Variants in RPRD2 observed in about 807,000 individuals in gnomAD.
RPRD2 encodes the protein regulation of nuclear pre-mRNA domain-containing protein 2.
In RPRD2, 12 loss-of-function variants were observed where a neutral mutation model predicts 104.4. That is an observed-to-expected ratio of 0.11 (90% CI 0.07 to 0.19). The LOEUF is 0.19. RPRD2 is among the 10% of genes least tolerant of loss of function. The pLI, the probability that RPRD2 is intolerant of heterozygous loss-of-function variation, is 1.00. For missense variants in RPRD2, 1,543 were observed against 1,790.1 expected, an observed-to-expected ratio of 0.86 and a Z score of 2.49; for synonymous variants, 714 against 684.9, an observed-to-expected ratio of 1.04 and a Z score of -0.66.
chr1:150,413,703 A>G (rs1320491598), intron 1 of RPRD2, among the ~76,000 whole-genome samples: 2 of 152,144 alleles, frequency 1.3e-5, no homozygotes, highest in Non-Finnish European at 2.9e-5. Context: ...AGGCTGGTGG[A>G]TTCCTTGAGG....
At chr1:150,375,021 T>C (rs1180557782) in intron 1 of RPRD2, among the ~76,000 whole-genome samples, 2 of 152,178 alleles carry the variant, frequency 1.3e-5, no homozygotes, top group Admixed American at 6.6e-5. Context: ...TTTTTTTTTT[T>C]TCATTCCATT....
intron 1 of RPRD2, among the ~76,000 whole-genome samples, chr1:150,403,998 A>G (rs1553886009): frequency 6.6e-6 from 1 of 152,182 alleles, no homozygotes; most frequent in African/African-American, 2.4e-5. Context: ...AATTATAGAC[A>G]AATAAATGTT....
chr1:150,472,256 T>C lies in RPRD2; in HGVS notation c.3308T>C (p.Ile1103Thr). 1.9e-6 allele frequency: 3 copies of C among 1,613,896 alleles called. No individual in the cohort carries two copies. Among genetic ancestry groups the C allele is most frequent in the Non-Finnish European group, 2.5e-6 (3 of 1,179,868 alleles). ...ASNRRMSGEP[I>T]QTVESIRVPG... ...AATAGGAGGATGTCAGGGGAGCCGA[T>C]CCAGACCGTAGAGTCCATCCGAGTT... The change falls in exon 11 of 11, where the codon ATC becomes ACC. Residue 1103 changes from isoleucine (I) to threonine (T), a missense_variant. This residue lies in a region of RPRD2 where 880 missense variants were observed against 885.6 expected (regional missense o/e 0.99). Transcript: ENST00000369068.
intron 7 of RPRD2, among the ~76,000 whole-genome samples, chr1:150,448,631 A>G (rs1378234217): frequency 1.3e-5 from 2 of 152,224 alleles, no homozygotes; most frequent in Non-Finnish European, 2.9e-5. Context: ...TGTGGTAACT[A>G]TAGTTGTACT....
chr1:150,446,423 C>T (rs1287360077), intron 7 of RPRD2, 22 bp downstream of exon 7: 2 of 1,539,670 alleles, frequency 1.3e-6, no homozygotes, highest in Non-Finnish European at 1.8e-6. Flanking sequence ...TTAAAGCTGT[C>T]TTATACTGAA....
intron 7 of RPRD2, among the ~76,000 whole-genome samples, chr1:150,451,068 TG>T (rs1413608505): frequency 6.6e-6 from 1 of 152,350 alleles, no homozygotes; most frequent in East Asian, 1.9e-4. Flanking sequence ...TCCTTTGATC[TG>T]GAACAGTTTC....
At chr1:150,463,221 G>T (rs111848861) in intron 9 of RPRD2, among the ~76,000 whole-genome samples, 67 of 152,204 alleles carry the variant, frequency 4.4e-4, no homozygotes, top group Middle Eastern at 3.4e-3. Context: ...TACTCGGGAG[G>T]CAAATGCAGG....
Position 150,444,542 on chromosome 1 carries a change from A to G in RPRD2, c.694+165A>G, listed in dbSNP as rs186372018. On this transcript the variant is annotated intron_variant, in intron 6 of 10. Coordinates refer to ENST00000369068, the MANE Select transcript of RPRD2 (RefSeq NM_015203.5). ...TTCATGCATATAAATTTCATAAGTA[A>G]ATTCTGTTGTTCTCATTTCTAGTAC... 2.9e-3 allele frequency among the ~76,000 whole-genome samples: 439 copies of G among 152,200 alleles called. 2 individuals carry two copies. Among genetic ancestry groups the G allele is most frequent in the Non-Finnish European group, 4.7e-3 (320 of 67,994 alleles).
At chr1:150,432,497 G>A (rs71622698) in intron 2 of RPRD2, among the ~76,000 whole-genome samples, 13,060 of 151,974 alleles carry the variant, frequency 0.086, 684 homozygotes, top group African/African-American at 0.11. Context: ...AAGGGAGGTA[G>A]TGAAAAATTT....
In RPRD2 at chr1:150,472,229, C is replaced by T. The variant is rs1356965357; in HGVS notation, c.3281C>T (p.Ser1094Phe). ...PIETLGYHSA[S>F]NRRMSGEPIQ... ...GAAACCTTGGGTTATCACAGTGCAT[C>T]CAATAGGAGGATGTCAGGGGAGCCG... Residue 1094 changes from serine to phenylalanine, a missense_variant, in exon 11 of 11, where the codon TCC (serine) becomes TTC (phenylalanine). Coordinates refer to ENST00000369068, the MANE Select transcript of RPRD2 (RefSeq NM_015203.5). The T allele has an allele frequency of 6.2e-7, 1 of 1,613,810 alleles. No individual in the cohort carries two copies.
At chr1:150,402,674 A>T (rs1663134643) in intron 1 of RPRD2, among the ~76,000 whole-genome samples, 1 of 145,068 alleles carries the variant, frequency 6.9e-6, no homozygotes, top group Non-Finnish European at 1.5e-5. Context: ...GCAAATCAAG[A>T]TCCCCGTTTC....
intron 2 of RPRD2, among the ~76,000 whole-genome samples, chr1:150,431,942 T>A (rs993717120): frequency 1.1e-4 from 17 of 152,114 alleles, no homozygotes; most frequent in African/African-American, 3.9e-4. Flanking sequence ...GAATCATGGT[T>A]GCTGGAGAAA....
chr1:150,372,492 CACACACACACACAG>C lies in RPRD2; in HGVS notation c.205+7587_205+7600del, dbSNP rs1239678807. ...GAGACTCCGTCTGAAAAAAGAAACA[CACACACACACACAG>C]ACACACACACACACAAAGACAGCAT... On this transcript the variant is annotated intron_variant, in intron 1 of 10. Transcript: ENST00000369068. Among the ~76,000 whole-genome samples, 53 of 119,294 alleles carry C rather than the reference CACACACACACACAG, an allele frequency of 4.4e-4. No homozygotes were observed. In the East Asian group the frequency reaches 6.7e-3, roughly 15 times the overall value. The allele number at this position is 119,294 out of a possible 152,430, so 78.3% of individuals were successfully genotyped here.
In RPRD2 at chr1:150,444,500, G is replaced by A. The variant is rs587722121; in HGVS notation, c.694+123G>A. On this transcript the variant is annotated intron_variant, in intron 6 of 10. Coordinates refer to ENST00000369068, the MANE Select transcript of RPRD2 (RefSeq NM_015203.5). ...GTAGAAAGCAGTTGTGGCACCTCTG[G>A]TTTCCCAGGTAGTTATTTCATGCAT... 62 of 856,320 alleles carry A rather than the reference G, an allele frequency of 7.2e-5. No homozygotes were observed. In the East Asian group the frequency reaches 1.6e-3, roughly 22 times the overall value. The allele number at this position is 856,320 out of a possible 1,614,324, so 53.0% of individuals were successfully genotyped here.
At chr1:150,385,735 A>G (rs1661515043) in intron 1 of RPRD2, among the ~76,000 whole-genome samples, 1 of 152,196 alleles carries the variant, frequency 6.6e-6, no homozygotes, top group African/African-American at 2.4e-5. Context: ...AACTCCCCTG[A>G]GTAGTGCTTT....
At chr1:150,382,103 T>A (rs938155724) in intron 1 of RPRD2, among the ~76,000 whole-genome samples, 14 of 152,216 alleles carry the variant, frequency 9.2e-5, no homozygotes, top group African/African-American at 3.1e-4. Context: ...TATTATAACG[T>A]TTTATGCAGG....
rs908037370 is a variant in RPRD2, at chr1:150,417,840, G to C, written c.335+115G>C. On this transcript the variant is annotated intron_variant, in intron 2 of 10. Coordinates refer to ENST00000369068, the MANE Select transcript of RPRD2 (RefSeq NM_015203.5). ...CATGCTTGAAGATTAAGGATAATTT[G>C]CCTAAATGGTTGATTATTACTTTCT... 1.1e-5 allele frequency: 8 copies of C among 731,682 alleles called. No homozygotes were observed. The East Asian group carries it at 1.9e-4, about 17-fold the overall frequency. The allele number at this position is 731,682 out of a possible 1,614,324, so 45.3% of individuals were successfully genotyped here. A position where few individuals can be genotyped will look rare whatever the true frequency, so the allele number is the denominator to read the frequency against.
intron 1 of RPRD2, among the ~76,000 whole-genome samples, chr1:150,388,726 C>A (rs587656529): frequency 2.0e-4 from 30 of 151,518 alleles, no homozygotes; most frequent in African/African-American, 7.0e-4. Flanking sequence ...TGTGCCTCAG[C>A]CTCCTGAGTA....
chr1:150,433,670 T>A, intron 2 of RPRD2, among the ~76,000 whole-genome samples: 1 of 148,616 alleles, frequency 6.7e-6, no homozygotes. Context: ...GGTCTCAATC[T>A]GCAGACCTCG....
Sources: allele counts gnomAD v4.1 joint callset (sites outside exome capture counted in the v4.1 genomes callset), GRCh38; gene constraint gnomAD v4.1.1; regional missense constraint gnomAD v4.1.1; transcripts MANE v1.5; gene names NCBI Gene and HGNC (gene_info 2026-07-23, HGNC 2026-07-21).